CPEB2: variants seen among roughly 807,000 people sequenced by gnomAD.
CPEB2 encodes cytoplasmic polyadenylation element-binding protein 2.
CPEB2 carries 56 observed loss-of-function variants against 93.6 expected under a neutral mutation model. That is an observed-to-expected ratio of 0.60 (90% confidence interval 0.48 to 0.75). The LOEUF (loss-of-function observed/expected upper bound fraction) is 0.75. CPEB2 is among the 30% of genes least tolerant of loss of function. CPEB2 has a pLI of 0.00. For missense variants in CPEB2, 1,579 were observed against 1,395.1 expected (o/e 1.13, Z -2.10); for synonymous variants, 764 against 586.3 (o/e 1.30, Z -4.38).
At chr4:15,031,419 G>A (rs976161821) in intron 4 of CPEB2, among the ~76,000 whole-genome samples, 12 of 152,154 alleles carry the variant, frequency 7.9e-5, no homozygotes, top group African/African-American at 1.9e-4. Flanking sequence ...GTAATGTTCC[G>A]TGTTACTGAA....
In CPEB2 at chr4:15,002,584, C is replaced by G; in HGVS notation, c.-90C>G. ...CCTCTCTCACTGACTCCCCCTCCTTCCACCACGGCCGCGCAACCCCAGCGC... is the reference window on the plus strand; with the variant it reads ...CCTCTCTCACTGACTCCCCCTCCTTGCACCACGGCCGCGCAACCCCAGCGC... On this transcript the variant is annotated 5_prime_UTR_variant, in exon 1 of 12. Coordinates refer to ENST00000538197, the MANE Select transcript of CPEB2 (RefSeq NM_001177382.2). 9.0e-7 allele frequency: 1 copy of G among 1,110,908 alleles called. No homozygotes were observed. Among genetic ancestry groups the G allele is most frequent in the Non-Finnish European group, 1.2e-6 (1 of 811,070 alleles). The allele number at this position is 1,110,908 out of a possible 1,614,324, so 68.8% of individuals were successfully genotyped here.
At chr4:15,049,718 A>C (rs889922030) in intron 6 of CPEB2, among the ~76,000 whole-genome samples, 9 of 152,252 alleles carry the variant, frequency 5.9e-5, no homozygotes, top group African/African-American at 2.2e-4. Flanking sequence ...AGCAATATTC[A>C]CAAAGTTACT....
chr4:15,038,104 C>T (rs1726813469), intron 5 of CPEB2, among the ~76,000 whole-genome samples: 1 of 152,162 alleles, frequency 6.6e-6, no homozygotes, highest in South Asian at 2.1e-4. Context: ...AATGTAGATA[C>T]TTGGAATCTG....
intron 8 of CPEB2, 150 bp from the exon 9 acceptor site, chr4:15,058,271 T>C (rs546571929): frequency 1.4e-5 from 8 of 586,100 alleles, no homozygotes; most frequent in East Asian, 2.8e-5. Flanking sequence ...ACATAAGATA[T>C]TGTGTTCTCT....
chr4:15,030,320 A>G (rs1282711477), intron 4 of CPEB2, among the ~76,000 whole-genome samples: 3 of 152,148 alleles, frequency 2.0e-5, no homozygotes. Context: ...GTATGGAGCC[A>G]AACTGCTTAG....
intron 4 of CPEB2, chr4:15,017,716 G>C (rs1350663698): frequency 6.6e-6 from 1 of 151,794 alleles, no homozygotes; most frequent in Non-Finnish European, 1.5e-5. Context: ...AAAGGGGGGG[G>C]AGTATTTTAT....
intron 4 of CPEB2, among the ~76,000 whole-genome samples, chr4:15,024,421 A>C (rs1725199965): frequency 6.6e-6 from 1 of 152,190 alleles, no homozygotes; most frequent in Non-Finnish European, 1.5e-5. Flanking sequence ...GCAATTTAGA[A>C]TATTGAAGGT....
Position 15,002,728 on chromosome 4 carries a change from C to T in CPEB2, c.55C>T (p.Pro19Ser). Residue 19 changes from proline to serine, a missense_variant, in exon 1 of 12, where the codon CCT becomes TCT. Physicochemically the swap from Pro to Ser is moderately conservative, Grantham distance 74. Coordinates refer to ENST00000538197, the MANE Select transcript of CPEB2 (RefSeq NM_001177382.2). The part of the protein sequence containing the change: ...LQTAPLRSSS[P>S]GPLFCGEAYG... Reference sequence around the variant, plus strand: ...GACCGCCCCGCTCCGAAGTAGCAGTCCTGGGCCCCTGTTCTGCGGCGAGGC... The same window carrying T: ...GACCGCCCCGCTCCGAAGTAGCAGTTCTGGGCCCCTGTTCTGCGGCGAGGC... 2 of 1,534,552 alleles carry T rather than the reference C, an allele frequency of 1.3e-6. No individual in the cohort carries two copies. Among genetic ancestry groups the T allele is most frequent in the Non-Finnish European group, 8.7e-7 (1 of 1,146,264 alleles).
At chr4:15,049,160 A>T (rs1727991993) in intron 6 of CPEB2, among the ~76,000 whole-genome samples, 1 of 152,078 alleles carries the variant, frequency 6.6e-6, no homozygotes, top group African/African-American at 2.4e-5. Context: ...TATGAATACT[A>T]AGTAATATTT....
In CPEB2 at chr4:15,003,223, C is replaced by T; in HGVS notation, c.550C>T (p.Pro184Ser). ...CAGCCAGAAGAGGAAAGAGTTCAGCCCTCCCCACCTTCCCCACCCTCCGGA... is the reference window on the plus strand; with the variant it reads ...CAGCCAGAAGAGGAAAGAGTTCAGCTCTCCCCACCTTCCCCACCCTCCGGA... Reference protein sequence around the residue: ...LSSQKRKEFSPPHLPHPPDSK... With the variant: ...LSSQKRKEFSSPHLPHPPDSK... Residue 184 changes from proline (P) to serine (S), a missense_variant, in exon 1 of 12, where the codon CCT becomes TCT. By Grantham distance (74) the Pro-to-Ser change is moderately conservative. This residue lies in a region of CPEB2 where 1,411 missense variants were observed against 1,056.0 expected (regional missense o/e 1.34). Transcript: ENST00000538197. 5 of 1,531,736 alleles carry T rather than the reference C, an allele frequency of 3.3e-6. No homozygotes were observed. The highest frequency in any genetic ancestry group is 4.4e-6 in the Non-Finnish European group (5 of 1,145,336). The allele number at this position is 1,531,736 out of a possible 1,614,324, so 94.9% of individuals were successfully genotyped here.
At chr4:15,031,201 C>T (rs901805157) in intron 4 of CPEB2, among the ~76,000 whole-genome samples, 1 of 152,098 alleles carries the variant, frequency 6.6e-6, no homozygotes, top group Non-Finnish European at 1.5e-5. Flanking sequence ...GCATCCTACA[C>T]ACTGTCAGTA....
rs765327899 is a variant in CPEB2, at chr4:15,003,112, CCCT to C, written c.451_453del (p.Ser151del). 1.3e-4 allele frequency: 194 copies of C among 1,532,590 alleles called. No homozygotes were observed. The highest frequency in any genetic ancestry group is 1.6e-4 in the Non-Finnish European group (184 of 1,145,560). The allele number at this position is 1,532,590 out of a possible 1,614,324, so 94.9% of individuals were successfully genotyped here. On this transcript the variant is annotated inframe_deletion, in exon 1 of 12. Coordinates refer to ENST00000538197, the MANE Select transcript of CPEB2 (RefSeq NM_001177382.2). ...GGACTTCAAACCGAGTCTGCACCAC[CCCT>C]CCTCCTCCTCCGCCTCCTCCTGCTG...
intron 7 of CPEB2, 25 bp downstream of exon 7, chr4:15,052,609 A>T: frequency 7.1e-7 from 1 of 1,411,902 alleles, no homozygotes; most frequent in Non-Finnish European, 9.5e-7. Flanking sequence ...ATTTATTAAC[A>T]TGGTGATTTG....
intron 4 of CPEB2, among the ~76,000 whole-genome samples, chr4:15,025,477 T>C (rs1725347041): frequency 6.6e-6 from 1 of 152,086 alleles, no homozygotes; most frequent in Non-Finnish European, 1.5e-5. Context: ...TCAATGTATA[T>C]AGTTGAAATT....
intron 8 of CPEB2, among the ~76,000 whole-genome samples, chr4:15,055,683 G>T (rs1260693978): frequency 6.6e-6 from 1 of 152,032 alleles, no homozygotes; most frequent in Non-Finnish European, 1.5e-5. Context: ...CCCTTTAATG[G>T]TTTCTCTTAT....
chr4:15,065,781 C>G (rs1419591697), intron 11 of CPEB2, among the ~76,000 whole-genome samples: 1 of 152,082 alleles, frequency 6.6e-6, no homozygotes, highest in African/African-American at 2.4e-5. Flanking sequence ...TAATCAGTGG[C>G]TGTTCGGGTT....
intron 11 of CPEB2, among the ~76,000 whole-genome samples, chr4:15,062,626 C>G (rs778175929): frequency 6.6e-6 from 1 of 152,024 alleles, no homozygotes; most frequent in African/African-American, 2.4e-5. Flanking sequence ...TTTTTCCTCA[C>G]TTGTAAAATA....
rs771472130 is a variant in CPEB2, at chr4:15,002,753, C to T, written c.80C>T (p.Ala27Val). Residue 27 changes from alanine to valine, a missense_variant, in exon 1 of 12, where the codon GCG becomes GTG. Physicochemically the swap from Ala to Val is moderately conservative, Grantham distance 64. Transcript: ENST00000538197. ...CCTGGGCCCCTGTTCTGCGGCGAGG[C>T]GTATGGTCCTTACGCCGTGGGGTCC... Reference protein sequence around the residue: ...SSPGPLFCGEAYGPYAVGSVN... With the variant: ...SSPGPLFCGEVYGPYAVGSVN... 156 of 1,535,300 alleles carry T rather than the reference C, an allele frequency of 1.0e-4. 1 individual carries two copies. The South Asian group carries it at 1.8e-3, about 18-fold the overall frequency.
intron 4 of CPEB2, among the ~76,000 whole-genome samples, chr4:15,023,339 AG>A (rs1725011770): frequency 6.6e-6 from 1 of 151,946 alleles, no homozygotes; most frequent in Non-Finnish European, 1.5e-5. Context: ...TTTCTTTTGA[AG>A]GTTTTTTCTC....
Sources: gnomAD v4.1 joint callset for allele counts (sites outside exome capture counted in the v4.1 genomes callset) on GRCh38, gnomAD v4.1.1 for gene constraint, gnomAD v4.1.1 regional missense constraint, MANE v1.5 for transcripts, NCBI Gene and HGNC (gene_info 2026-07-23, HGNC 2026-07-21) for gene names.